SFXN5: variants seen among roughly 807,000 people sequenced by gnomAD.
SFXN5 encodes the protein sideroflexin-5.
In SFXN5, 43 loss-of-function variants were observed where a neutral mutation model predicts 50.2. That is an observed-to-expected ratio of 0.86 (90% CI 0.67 to 1.11). SFXN5 has a LOEUF of 1.11. SFXN5 is among the 50% of genes least tolerant of loss of function. SFXN5 has a pLI of 0.00. For synonymous variants in SFXN5, 203 were observed against 185.8 expected, an observed-to-expected ratio of 1.09 and a Z score of -0.75; for missense variants, 463 against 454.1, an observed-to-expected ratio of 1.02 and a Z score of -0.18.
intron 11 of SFXN5, 33 bp downstream of exon 11, chr2:72,971,537 G>A (rs1184448065): frequency 2.0e-6 from 3 of 1,522,630 alleles, no homozygotes; most frequent in Non-Finnish European, 2.7e-6. Context: ...CCCTGTTGCT[G>A]GCCTCCCCAA....
Position 72,961,084 on chromosome 2 carries a change from A to C in SFXN5, c.945+47T>G. ...ATGAGTATTTGTTCAGAAATCACCA[A>C]ACAGCACCCCCTGCCCTGCCCTGCC... On this transcript the variant is annotated intron_variant, in intron 13 of 13. Transcript: ENST00000272433. The surrounding 1 kb of genome is among the most constrained non-coding windows in gnomAD (Gnocchi z 4.4). The C allele has an allele frequency of 1.5e-6, 2 of 1,327,570 alleles. No homozygotes were observed. The highest frequency in any genetic ancestry group is 2.0e-6 in the Non-Finnish European group (2 of 991,214). The allele number at this position is 1,327,570 out of a possible 1,614,324, so 82.2% of individuals were successfully genotyped here.
At chr2:72,982,378 T>C (rs746271059) in intron 10 of SFXN5, among the ~76,000 whole-genome samples, 2 of 152,130 alleles carry the variant, frequency 1.3e-5, no homozygotes, top group Non-Finnish European at 2.9e-5. Flanking sequence ...GTGGAAAAGG[T>C]CCAGAATAAA....
intron 1 of SFXN5, chr2:73,059,342 T>C (rs1414594792): frequency 1.0e-6 from 1 of 985,394 alleles, no homozygotes; most frequent in Non-Finnish European, 1.2e-6. Flanking sequence ...AGCTCGGGGA[T>C]GAAGGGGAAG....
At chr2:73,022,370 G>A in intron 5 of SFXN5, 152 bp downstream of exon 5, 1 of 673,630 alleles carries the variant, frequency 1.5e-6, no homozygotes, top group Non-Finnish European at 2.7e-6. Context: ...GCCTTGTACA[G>A]TTGAGCTGAG....
chr2:73,070,963 T>G (rs896733229), intron 1 of SFXN5: 1 of 152,308 alleles, frequency 6.6e-6, no homozygotes, highest in Non-Finnish European at 1.5e-5. Flanking sequence ...CCTCAGGGCA[T>G]CGGCCGGCTT....
intron 5 of SFXN5, among the ~76,000 whole-genome samples, chr2:73,021,163 C>T (rs569243195): frequency 1.2e-4 from 18 of 152,226 alleles, no homozygotes; most frequent in African/African-American, 4.3e-4. Context: ...AGGGTGAGAG[C>T]CTGCTGTGCC....
At chr2:73,060,042 G>A (rs1294870261) in intron 1 of SFXN5, among the ~76,000 whole-genome samples, 1 of 152,204 alleles carries the variant, frequency 6.6e-6, no homozygotes, top group Non-Finnish European at 1.5e-5. Context: ...CATATAAGCA[G>A]TGTGATTCCA....
intron 6 of SFXN5, among the ~76,000 whole-genome samples, chr2:73,016,323 ACTT>A (rs1285793926): frequency 6.6e-6 from 1 of 152,228 alleles, no homozygotes; most frequent in Non-Finnish European, 1.5e-5. Context: ...AAATCATGGT[ACTT>A]CCACTTAGTA....
intron 7 of SFXN5, among the ~76,000 whole-genome samples, 175 bp from the exon 8 acceptor site, chr2:73,000,662 G>A (rs1163865401): frequency 1.3e-5 from 2 of 152,182 alleles, no homozygotes; most frequent in African/African-American, 2.4e-5. Context: ...GCCCAGGGCT[G>A]TGCTGGTGTT....
intron 3 of SFXN5, among the ~76,000 whole-genome samples, chr2:73,030,944 C>T (rs928950048): frequency 7.2e-5 from 11 of 152,120 alleles, no homozygotes; most frequent in Admixed American, 5.2e-4. Flanking sequence ...TTAAAAATTC[C>T]TATTCTTTTT....
chr2:72,978,140 G>A (rs1417449589), intron 10 of SFXN5, among the ~76,000 whole-genome samples: 1 of 151,696 alleles, frequency 6.6e-6, no homozygotes, highest in African/African-American at 2.4e-5. Context: ...ATGAAATAAG[G>A]ATATCCTCTT....
intron 13 of SFXN5, among the ~76,000 whole-genome samples, chr2:72,955,703 C>T (rs1315372354): frequency 1.3e-5 from 2 of 152,224 alleles, no homozygotes; most frequent in Non-Finnish European, 2.9e-5. Context: ...CTTGTGGTAG[C>T]CAAGCCCGTG....
intron 3 of SFXN5, among the ~76,000 whole-genome samples, chr2:73,027,851 G>C (rs1170491035): frequency 1.3e-5 from 2 of 151,900 alleles, no homozygotes; most frequent in South Asian, 4.2e-4. Flanking sequence ...TTGTAGAAAC[G>C]TGGTCTCCCT....
chr2:73,065,939 T>C (rs1683144552), intron 1 of SFXN5, among the ~76,000 whole-genome samples: 1 of 152,062 alleles, frequency 6.6e-6, no homozygotes, highest in Admixed American at 6.6e-5. Flanking sequence ...GGCCCCAACA[T>C]GGCAAACATG....
chr2:72,970,417 G>C (rs1331978031), intron 11 of SFXN5, among the ~76,000 whole-genome samples: 1 of 152,128 alleles, frequency 6.6e-6, no homozygotes, highest in Non-Finnish European at 1.5e-5. Flanking sequence ...ACCTTGGAGG[G>C]GCACTGACTT....
intron 3 of SFXN5, among the ~76,000 whole-genome samples, chr2:73,036,374 C>A (rs1678982872): frequency 6.6e-6 from 1 of 152,164 alleles, no homozygotes; most frequent in African/African-American, 2.4e-5. Context: ...GAGGGAGGAT[C>A]TGCCTCTAGG....
In SFXN5 at chr2:73,058,543, T is replaced by C. The variant is rs767878743; in HGVS notation, c.156A>G (p.Thr52=). The C allele has an allele frequency of 6.2e-7, 1 of 1,613,282 alleles. No individual in the cohort carries two copies. Residue 52 remains threonine, a synonymous_variant, in exon 2 of 14, where the codon ACA becomes ACG. Transcript: ENST00000272433. ...CATGACTTACCTCAGTGACAAAGAG[T>C]GTGCGAGGGTCGATGATATCCAAGA... ...RHFLDIIDPR[T]LFVTERRLRE...
intron 6 of SFXN5, among the ~76,000 whole-genome samples, chr2:73,004,374 A>G (rs1395852139): frequency 6.6e-6 from 1 of 151,966 alleles, no homozygotes; most frequent in African/African-American, 2.4e-5. Context: ...AATAAAAACA[A>G]AAACCAGACA....
chr2:72,959,790 G>A (rs1211901855), intron 13 of SFXN5, among the ~76,000 whole-genome samples: 3 of 152,000 alleles, frequency 2.0e-5, no homozygotes, highest in Admixed American at 1.3e-4. Flanking sequence ...CTGCATTTAC[G>A]CAAGCCCCTG....
Sources: gnomAD v4.1 joint callset for allele counts (sites outside exome capture counted in the v4.1 genomes callset) on GRCh38, gnomAD v4.1.1 for gene constraint, Gnocchi (gnomAD v3.1) non-coding constraint, MANE v1.5 for transcripts, NCBI Gene and HGNC (gene_info 2026-07-23, HGNC 2026-07-21) for gene names.